Variants in TRIM77 observed in about 807,000 individuals in gnomAD.
The protein encoded by TRIM77 is tripartite motif containing 77.
A neutral mutation model predicts 31.8 loss-of-function variants in TRIM77; 23 were observed. That is an observed-to-expected ratio of 0.72 (90% CI 0.52 to 1.02). The LOEUF (loss-of-function observed/expected upper bound fraction) is 1.02. Among genes scored for constraint, TRIM77 ranks in the 50% least tolerant of loss-of-function variants. The pLI, the probability that TRIM77 is intolerant of heterozygous loss-of-function variation, is 0.00. For synonymous variants in TRIM77, 159 were observed against 183.1 expected, an observed-to-expected ratio of 0.87 and a Z score of 1.06; for missense variants, 446 against 539.2, an observed-to-expected ratio of 0.83 and a Z score of 1.71.
At position 89,715,962 on chromosome 11, in the gene TRIM77, G is replaced by T; in HGVS notation, c.834G>T (p.Val278=). 6.5e-7 allele frequency: 1 copy of T among 1,547,964 alleles called. No individual in the cohort carries two copies. The highest frequency in any genetic ancestry group is 8.7e-7 in the Non-Finnish European group (1 of 1,144,284). ...PQLSAWTITG[V]SERLNFFRVY... is the part of the protein sequence containing the mutation. ...TCAGTGCATGGACCATCACTGGGGT[G>T]TCAGAAAGGCTTAACTTCTTCAGAG... Residue 278 remains valine, a synonymous_variant, in exon 5 of 6, where the codon GTG becomes GTT. Coordinates refer to ENST00000398290, the MANE Select transcript of TRIM77 (RefSeq NM_001146162.1).
chr11:89,715,939 A>G lies in TRIM77; in HGVS notation c.811A>G (p.Ser271Gly). The change falls in exon 5 of 6, where the codon AGT becomes GGT. Residue 271 changes from serine to glycine, a missense_variant. By Grantham distance (56) the Ser-to-Gly change is moderately conservative. Transcript: ENST00000398290. ...AMPQPVNPQL[S>G]AWTITGVSER... is the part of the protein sequence containing the mutation. ...GCCTCAGCCTGTGAACCCACAGCTC[A>G]GTGCATGGACCATCACTGGGGTGTC... 7 of 1,548,096 alleles carry G rather than the reference A, an allele frequency of 4.5e-6. No homozygotes were observed. In the South Asian group the frequency reaches 4.8e-5, roughly 11 times the overall value.
chr11:89,713,977 A>T (rs1352784689), intron 2 of TRIM77, among the ~76,000 whole-genome samples: 3 of 152,162 alleles, frequency 2.0e-5, no homozygotes, highest in Non-Finnish European at 4.4e-5. Flanking sequence ...TAAAATGTAA[A>T]TATGGAGGTT....
At chr11:89,714,123 C>G (rs1949144044) in intron 2 of TRIM77, 69 bp from the exon 3 acceptor site, 2 of 1,015,704 alleles carry the variant, frequency 2.0e-6, no homozygotes, top group Admixed American at 2.7e-5. Context: ...TGAAACAAAG[C>G]AGAATAGCTG....
intron 2 of TRIM77, among the ~76,000 whole-genome samples, chr11:89,713,164 T>C (rs55812948): frequency 0.31 from 45,519 of 148,788 alleles, 7,461 homozygotes; most frequent in Middle Eastern, 0.41. Flanking sequence ...CCCAGCTACT[T>C]AGGACGCAGG....
chr11:89,711,255 C>T (rs1387526532), intron 1 of TRIM77, among the ~76,000 whole-genome samples, 155 bp from the exon 2 acceptor site: 1 of 152,202 alleles, frequency 6.6e-6, no homozygotes, highest in Non-Finnish European at 1.5e-5. Context: ...GTTTCATTGA[C>T]CTCTCGGACT....
Position 89,714,271 on chromosome 11 carries a change from A to T in TRIM77, c.587A>T (p.Lys196Met). 1 of 1,551,772 alleles carries T rather than the reference A, an allele frequency of 6.4e-7. No individual in the cohort carries two copies. The highest frequency in any genetic ancestry group is 8.7e-7 in the Non-Finnish European group (1 of 1,147,008). ...VCQYLREEEQ[K>M]HVESLAREGR... ...CAATACCTCCGTGAAGAAGAGCAAA[A>T]GCACGTAGAGAGCCTGGCAAGAGAA... The change falls in exon 3 of 6, where the codon AAG (lysine) becomes ATG (methionine). Residue 196 changes from lysine to methionine, a missense_variant. By Grantham distance (95) the Lys-to-Met change is moderately conservative. Transcript: ENST00000398290.
At chr11:89,712,021 G>A (rs1223057025) in intron 2 of TRIM77, among the ~76,000 whole-genome samples, 2 of 152,178 alleles carry the variant, frequency 1.3e-5, no homozygotes, top group Admixed American at 6.5e-5. Flanking sequence ...AGGCAGTGGT[G>A]AGAGATATGG....
rs751700428 is a variant in TRIM77 at position 89,714,229 on chromosome 11, A to T, written c.545A>T (p.Glu182Val). The change falls in exon 3 of 6, where the codon GAA (glutamate) becomes GTA (valine). Residue 182 changes from glutamate (E) to valine (V), a missense_variant. This residue lies in a region of TRIM77 where 366 missense variants were observed against 447.9 expected (regional missense o/e 0.82). Coordinates refer to ENST00000398290, the MANE Select transcript of TRIM77 (RefSeq NM_001146162.1). ...TTGCGGAGCATGATGATCAGTGCTG[A>T]ATATCCTAAGGTGTGTCAATACCTC... is the stretch of plus-strand genomic sequence containing the variant. ...INLRSMMISAEYPKVCQYLRE... is the reference protein window; with the variant it reads ...INLRSMMISAVYPKVCQYLRE... 30 of 1,551,542 alleles carry T rather than the reference A, an allele frequency of 1.9e-5. No homozygotes were observed. Among genetic ancestry groups the T allele is most frequent in the Non-Finnish European group, 2.4e-5 (27 of 1,146,980 alleles).
chr11:89,710,639 T>C lies in TRIM77; in HGVS notation c.341T>C (p.Leu114Pro), dbSNP rs1673613126. ...ACTGATAGGAGCCTGCTGTGTTTTC[T>C]ATGCTCTCAATCCCCAAGGCATGCT... ...CETDRSLLCF[L>P]CSQSPRHATH... The change falls in exon 1 of 6, where the codon CTA becomes CCA. Residue 114 changes from leucine (L) to proline (P), a missense_variant. Physicochemically the swap from Leu to Pro is moderately conservative, Grantham distance 98 (BLOSUM62 -3). Around this residue, in one of 3 missense-constraint regions of TRIM77, gnomAD observed 366 missense variants for 447.9 expected, o/e 0.82. Coordinates refer to ENST00000398290, the MANE Select transcript of TRIM77 (RefSeq NM_001146162.1). 6.4e-7 allele frequency: 1 copy of C among 1,551,240 alleles called. No individual in the cohort carries two copies. The highest frequency in any genetic ancestry group is 8.7e-7 in the Non-Finnish European group (1 of 1,146,706).
chr11:89,710,467 G>T lies in TRIM77; in HGVS notation c.169G>T (p.Glu57Ter). 1 of 1,551,656 alleles carries T rather than the reference G, an allele frequency of 6.4e-7. No individual in the cohort carries two copies. The change falls in exon 1 of 6, where the codon GAA becomes TAA. Residue 57 changes from glutamate to a stop codon, truncating the protein, a stop_gained. Coordinates refer to ENST00000398290, the MANE Select transcript of TRIM77 (RefSeq NM_001146162.1). LOFTEE classifies it high-confidence loss of function. The stretch of plus-strand genomic sequence containing the variant: ...TCCTAATTGCTGCCCTGTGTGCAGG[G>T]AAATATCACAGCAAATGTACTTCAA... ...LTPNCCPVCR[E>*]ISQQMYFKRI...
rs1591483626 is a variant in TRIM77, at chr11:89,710,777, G to T, written c.411+68G>T. The T allele has an allele frequency of 6.6e-6, 8 of 1,216,278 alleles. No individual in the cohort carries two copies. The East Asian group carries it at 1.0e-4, about 16-fold the overall frequency. The allele number at this position is 1,216,278 out of a possible 1,614,324, so 75.3% of individuals were successfully genotyped here. A position where few individuals can be genotyped will look rare whatever the true frequency, so the allele number is the denominator to read the frequency against. ...CTGAATCCTACAGGTAATACGGAAA[G>T]ATATACTTATCATTATTGTTATTAA... is the stretch of plus-strand genomic sequence containing the variant. On this transcript the variant is annotated intron_variant, in intron 1 of 5. Coordinates refer to ENST00000398290, the MANE Select transcript of TRIM77 (RefSeq NM_001146162.1).
At chr11:89,714,608 AGAG>A (rs1369281767) in intron 3 of TRIM77, among the ~76,000 whole-genome samples, 186 bp downstream of exon 3, 3 of 152,174 alleles carry the variant, frequency 2.0e-5, no homozygotes, top group African/African-American at 7.2e-5. Context: ...CTTGTCCCAT[AGAG>A]GAGAAGGAAA....
At chr11:89,715,626 T>G (rs573244120) in intron 4 of TRIM77, among the ~76,000 whole-genome samples, 151 of 152,202 alleles carry the variant, frequency 9.9e-4, no homozygotes, top group Non-Finnish European at 1.8e-3. Context: ...ATTAAATGAG[T>G]ATTTCTGCAT....
chr11:89,715,253 C>A, intron 4 of TRIM77, 73 bp downstream of exon 4: 1 of 1,361,318 alleles, frequency 7.3e-7, no homozygotes, highest in Non-Finnish European at 1.0e-6. Context: ...GATCGACCCA[C>A]ACTTTTAGTG....
At chr11:89,713,181 C>A (rs1196597587) in intron 2 of TRIM77, among the ~76,000 whole-genome samples, 1 of 143,904 alleles carries the variant, frequency 6.9e-6, no homozygotes, top group African/African-American at 2.6e-5. Flanking sequence ...CAGGCTGAGG[C>A]AGGAGAATCA....
At chr11:89,711,624 T>C (rs1450629549) in intron 2 of TRIM77, 119 bp downstream of exon 2, 12 of 624,668 alleles carry the variant, frequency 1.9e-5, no homozygotes, top group Admixed American at 3.6e-5. Flanking sequence ...AGGACCTACA[T>C]GTGTTTCTCT....
At chr11:89,711,096 A>G (rs1471175197) in intron 1 of TRIM77, among the ~76,000 whole-genome samples, 1 of 152,212 alleles carries the variant, frequency 6.6e-6, no homozygotes, top group African/African-American at 2.4e-5. Flanking sequence ...GTATGCTCCA[A>G]TAGTACTGTA....
Position 89,710,483 on chromosome 11 carries a change from T to A in TRIM77, c.185T>A (p.Met62Lys). The change falls in exon 1 of 6, where the codon ATG (methionine) becomes AAG (lysine). Residue 62 changes from methionine to lysine, a missense_variant. Physicochemically the swap from Met to Lys is moderately conservative, Grantham distance 95 (BLOSUM62 -1). Around this residue, in one of 3 missense-constraint regions of TRIM77, gnomAD observed 8 missense variants for 26.5 expected, o/e 0.30. Coordinates refer to ENST00000398290, the MANE Select transcript of TRIM77 (RefSeq NM_001146162.1). ...GTGTGCAGGGAAATATCACAGCAAA[T>A]GTACTTCAAACGCATTATTTTTGCT... The part of the protein sequence containing the change: ...CPVCREISQQ[M>K]YFKRIIFAEK... 1 of 1,551,532 alleles carries A rather than the reference T, an allele frequency of 6.4e-7. No individual in the cohort carries two copies.
chr11:89,713,348 C>G (rs1949137056), intron 2 of TRIM77, among the ~76,000 whole-genome samples: 1 of 147,374 alleles, frequency 6.8e-6, no homozygotes, highest in African/African-American at 2.5e-5. Context: ...CGCAGCTACT[C>G]AAGAGGCTGA....
Sources: gnomAD v4.1 joint callset for allele counts (sites outside exome capture counted in the v4.1 genomes callset) on GRCh38, gnomAD v4.1.1 for gene constraint, gnomAD v4.1.1 regional missense constraint, MANE v1.5 for transcripts, NCBI Gene and HGNC (gene_info 2026-07-23, HGNC 2026-07-21) for gene names.